NLN: variants seen among roughly 807,000 people sequenced by gnomAD.
NLN encodes neurolysin, mitochondrial.
Under a neutral mutation model 79.9 loss-of-function variants are expected in NLN, and 64 were observed. The observed-to-expected ratio is 0.80, with a 90% CI of 0.65 to 0.99. The LOEUF (loss-of-function observed/expected upper bound fraction) is 0.99, where lower values mean the gene tolerates loss of function less well. Ranked by LOEUF, NLN falls within the 50% of genes least tolerant of loss-of-function variation. The probability of loss-of-function intolerance (pLI) is 0.00; values close to 1 mark genes in which losing one functional copy is unlikely to be tolerated. For missense variants in NLN, 835 were observed against 858.7 expected, an observed-to-expected ratio of 0.97 and a Z score of 0.34; for synonymous variants, 267 against 296.6, an observed-to-expected ratio of 0.90 and a Z score of 1.02.
intron 9 of NLN, among the ~76,000 whole-genome samples, chr5:65,805,476 G>A (rs1760392177): frequency 6.6e-6 from 1 of 152,224 alleles, no homozygotes; most frequent in African/African-American, 2.4e-5. Flanking sequence ...AGTGGAGAAA[G>A]TTTTAGTGGT....
chr5:65,812,585 A>T (rs764718698), intron 12 of NLN, among the ~76,000 whole-genome samples, 194 bp downstream of exon 12: 1 of 152,146 alleles, frequency 6.6e-6, no homozygotes, highest in Non-Finnish European at 1.5e-5. Flanking sequence ...TCTATAGTTT[A>T]AAAAAAACTA....
chr5:65,798,577 C>T (rs778372862), intron 9 of NLN, among the ~76,000 whole-genome samples: 5 of 152,308 alleles, frequency 3.3e-5, no homozygotes, highest in African/African-American at 1.2e-4. Context: ...AGCTTTGTGG[C>T]CTCTGCTGTC....
At chr5:65,775,030 T>C (rs1018557744) in intron 3 of NLN, among the ~76,000 whole-genome samples, 1 of 152,122 alleles carries the variant, frequency 6.6e-6, no homozygotes. Flanking sequence ...GCCTAATTAG[T>C]CATATTTTAA....
chr5:65,782,777 A>G (rs1759827824), intron 6 of NLN, among the ~76,000 whole-genome samples: 1 of 152,186 alleles, frequency 6.6e-6, no homozygotes, highest in Non-Finnish European at 1.5e-5. Flanking sequence ...TCTCCCATGT[A>G]ATCTTTCAAA....
At chr5:65,790,764 G>T (rs1347520929) in intron 8 of NLN, among the ~76,000 whole-genome samples, 1 of 152,132 alleles carries the variant, frequency 6.6e-6, no homozygotes, top group Non-Finnish European at 1.5e-5. Flanking sequence ...ATATAGATGA[G>T]TCTTATTTTT....
intron 3 of NLN, among the ~76,000 whole-genome samples, chr5:65,764,516 G>A (rs1206562330): frequency 1.3e-5 from 2 of 152,142 alleles, no homozygotes; most frequent in African/African-American, 2.4e-5. Flanking sequence ...AACAGAGTGA[G>A]GCTCCTTCTC....
intron 12 of NLN, among the ~76,000 whole-genome samples, chr5:65,818,069 A>AC (rs1309717973): frequency 6.6e-6 from 1 of 152,198 alleles, no homozygotes; most frequent in African/African-American, 2.4e-5. Flanking sequence ...AAGGAATTCG[A>AC]ATTGATTTCC....
Position 65,826,690 on chromosome 5 carries a change from T to C in NLN, c.*3775T>C, listed in dbSNP as rs1285209191. ...AAGGTTGAGGCAGGAGGATCCTTTG[T>C]GCTCAAGAGTTTGAGACCAGCCTGA... On this transcript the variant is annotated 3_prime_UTR_variant, in exon 13 of 13. Coordinates refer to ENST00000380985, the MANE Select transcript of NLN (RefSeq NM_020726.5). The C allele has an allele frequency of 6.6e-6, 1 of 152,170 alleles. No homozygotes were observed. Among genetic ancestry groups the C allele is most frequent in the Admixed American group, 6.6e-5 (1 of 15,258 alleles). 9.4% of individuals were successfully genotyped at this position (152,170 alleles called of 1,614,324 possible).
chr5:65,774,818 G>A (rs976476519), intron 3 of NLN, among the ~76,000 whole-genome samples: 38 of 151,292 alleles, frequency 2.5e-4, no homozygotes, highest in Middle Eastern at 3.4e-3. Context: ...TCCACTTCCC[G>A]GGTTCAAGTG....
intron 1 of NLN, among the ~76,000 whole-genome samples, chr5:65,739,903 C>T (rs183791023): frequency 3.4e-4 from 51 of 152,010 alleles, no homozygotes; most frequent in Admixed American, 9.2e-4. Flanking sequence ...GATATTAATC[C>T]CTTATGAGAT....
intron 1 of NLN, among the ~76,000 whole-genome samples, chr5:65,725,685 T>C (rs1255121479): frequency 6.6e-6 from 1 of 152,240 alleles, no homozygotes. Context: ...AATTTTATCA[T>C]TGGTAACACA....
At chr5:65,731,138 T>C (rs1361654490) in intron 1 of NLN, among the ~76,000 whole-genome samples, 2 of 152,210 alleles carry the variant, frequency 1.3e-5, no homozygotes, top group Admixed American at 6.5e-5. Flanking sequence ...CTGGGGCTAT[T>C]TGGCCCTCTT....
At chr5:65,822,505 GT>G (rs1388747916) in intron 12 of NLN, among the ~76,000 whole-genome samples, 1 of 152,178 alleles carries the variant, frequency 6.6e-6, no homozygotes, top group African/African-American at 2.4e-5. Flanking sequence ...GCTATATTTT[GT>G]TTGTTTGTTC....
intron 3 of NLN, among the ~76,000 whole-genome samples, chr5:65,763,670 G>GA (rs927347446): frequency 2.7e-5 from 4 of 150,306 alleles, no homozygotes; most frequent in African/African-American, 7.3e-5. Context: ...TTTTTTTGGG[G>GA]AAAAAAAACA....
rs374693299 is a variant in NLN, at chr5:65,756,641, T to C, written c.42-1926T>C. Among the ~76,000 whole-genome samples, 34 of 152,236 alleles carry C rather than the reference T, an allele frequency of 2.2e-4. 1 individual carries two copies. Among genetic ancestry groups the C allele is most frequent in the African/African-American group, 7.5e-4 (31 of 41,566 alleles). ...TTGCCTTCAGAATAAGATTGGATGT[T>C]TGGGGGAGTTTTTTGTTGTTGTCGT... is the stretch of plus-strand genomic sequence containing the variant. On this transcript the variant is annotated intron_variant, in intron 1 of 12. Coordinates refer to ENST00000380985, the MANE Select transcript of NLN (RefSeq NM_020726.5).
intron 12 of NLN, among the ~76,000 whole-genome samples, chr5:65,818,195 C>T (rs932729051): frequency 6.6e-6 from 1 of 152,082 alleles, no homozygotes; most frequent in Non-Finnish European, 1.5e-5. Flanking sequence ...GCTCTTAGTA[C>T]CCCAATAATC....
At chr5:65,723,625 T>C (rs1400238382) in intron 1 of NLN, among the ~76,000 whole-genome samples, 1 of 151,760 alleles carries the variant, frequency 6.6e-6, no homozygotes, top group Non-Finnish European at 1.5e-5. Flanking sequence ...CCATCCTGGC[T>C]AACACGGTGA....
intron 1 of NLN, among the ~76,000 whole-genome samples, chr5:65,728,914 G>A (rs1292941590): frequency 6.6e-6 from 1 of 152,156 alleles, no homozygotes; most frequent in Non-Finnish European, 1.5e-5. Context: ...CATGATCATG[G>A]CTCACTGCAG....
intron 1 of NLN, among the ~76,000 whole-genome samples, chr5:65,738,004 T>C (rs1009751749): frequency 6.6e-6 from 1 of 151,936 alleles, no homozygotes; most frequent in African/African-American, 2.4e-5. Flanking sequence ...AGCATGTGCC[T>C]GTAGTCCCAG....
Sources: gnomAD v4.1 joint callset for allele counts (sites outside exome capture counted in the v4.1 genomes callset) on GRCh38, gnomAD v4.1.1 for gene constraint, MANE v1.5 for transcripts, NCBI Gene and HGNC (gene_info 2026-07-23, HGNC 2026-07-21) for gene names.